The following TPCN1 variants were observed in gnomAD, a reference collection of about 807,000 sequenced individuals.
TPCN1 encodes the protein two pore segment channel 1.
A neutral mutation model predicts 108.8 loss-of-function variants in TPCN1; 52 were observed. That is an observed-to-expected ratio of 0.48 (90% CI 0.38 to 0.60). The LOEUF is 0.60. Ranked by LOEUF, TPCN1 falls within the 20% of genes least tolerant of loss-of-function variation. TPCN1 has a pLI of 0.00. For synonymous variants in TPCN1, 446 were observed against 433.7 expected, an observed-to-expected ratio of 1.03 and a Z score of -0.35; for missense variants, 806 against 1,072.8, an observed-to-expected ratio of 0.75 and a Z score of 3.47.
At chr12:113,277,486 A>C in intron 12 of TPCN1, 122 bp downstream of exon 12, 1 of 1,201,476 alleles carries the variant, frequency 8.3e-7, no homozygotes, top group Non-Finnish European at 1.2e-6. Context: ...GACTTCCTCC[A>C]CAGATGTTTA....
At chr12:113,227,157 T>C (rs2136431069) in intron 2 of TPCN1, among the ~76,000 whole-genome samples, 193 bp downstream of exon 2, 1 of 152,286 alleles carries the variant, frequency 6.6e-6, no homozygotes, top group East Asian at 1.9e-4. Context: ...AGCTTGGCAG[T>C]GTTTCTGGGG....
chr12:113,247,318 A>C (rs1379842700), intron 2 of TPCN1, among the ~76,000 whole-genome samples: 2 of 151,880 alleles, frequency 1.3e-5, no homozygotes, highest in African/African-American at 4.8e-5. Flanking sequence ...TCACACCCTG[A>C]CTCACCAGGC....
At chr12:113,270,859 A>G (rs1027946494) in intron 7 of TPCN1, among the ~76,000 whole-genome samples, 24 of 151,972 alleles carry the variant, frequency 1.6e-4, no homozygotes, top group Non-Finnish European at 3.5e-4. Context: ...CACAGCCGCC[A>G]CCTCCTAACA....
chr12:113,243,893 A>C (rs1954245593), intron 2 of TPCN1, among the ~76,000 whole-genome samples: 1 of 152,170 alleles, frequency 6.6e-6, no homozygotes, highest in Non-Finnish European at 1.5e-5. Flanking sequence ...GGCTGCAGTC[A>C]CTGCCCCCGA....
chr12:113,290,122 G>T lies in TPCN1; in HGVS notation c.1797-6G>T. On this transcript the variant is annotated splice_region_variant and splice_polypyrimidine_tract_variant and intron_variant, in intron 21 of 27. Transcript: ENST00000335509. ...CTCCCTCCTTTCTCCCTTGTGCTCC[G>T]GCCAGCACGAGTACAGTGGCAGATG... is the stretch of plus-strand genomic sequence containing the variant. 1.3e-6 allele frequency: 2 copies of T among 1,570,804 alleles called. No individual in the cohort carries two copies. Among genetic ancestry groups the T allele is most frequent in the Non-Finnish European group, 1.7e-6 (2 of 1,154,690 alleles).
rs1271426792 is a variant in TPCN1 at position 113,288,114 on chromosome 12, C to A, written c.1635-49C>A. On this transcript the variant is annotated intron_variant, in intron 19 of 27. Coordinates refer to ENST00000335509, the MANE Select transcript of TPCN1 (RefSeq NM_017901.6). This position sits in a 1 kb window ranked among gnomAD's most constrained non-coding sequence, Gnocchi z 4.8. ...GGCCGGCATGTTCTGAGGGCGGGGGCTGAGGCGTGCACCTGTGTGTGGAGG... is the reference window on the plus strand; with the variant it reads ...GGCCGGCATGTTCTGAGGGCGGGGGATGAGGCGTGCACCTGTGTGTGGAGG... The A allele has an allele frequency of 1.9e-6, 3 of 1,554,586 alleles. No homozygotes were observed. Among genetic ancestry groups the A allele is most frequent in the Non-Finnish European group, 2.6e-6 (3 of 1,135,756 alleles).
chr12:113,233,423 G>T (rs1467214776), intron 2 of TPCN1, among the ~76,000 whole-genome samples: 1 of 152,252 alleles, frequency 6.6e-6, no homozygotes, highest in Non-Finnish European at 1.5e-5. Flanking sequence ...GTGCCGCTGG[G>T]GGCATCAGGT....
chr12:113,243,675 A>G (rs531884058), intron 2 of TPCN1, among the ~76,000 whole-genome samples: 57 of 152,288 alleles, frequency 3.7e-4, no homozygotes, highest in African/African-American at 1.3e-3. Context: ...AATCACTTGA[A>G]CTTGAGAGGT....
At position 113,280,201 on chromosome 12, in the gene TPCN1, T is replaced by C; in HGVS notation, c.1342+6T>C. ...GGCCTTCCAGTATTTCATGTGTAAGTGTGAAATATCTCCACTCTAGGCCAC... is the reference window on the plus strand; with the variant it reads ...GGCCTTCCAGTATTTCATGTGTAAGCGTGAAATATCTCCACTCTAGGCCAC... On this transcript the variant is annotated splice_donor_region_variant and intron_variant, in intron 15 of 27. Transcript: ENST00000335509. 3 of 1,607,512 alleles carry C rather than the reference T, an allele frequency of 1.9e-6. No individual in the cohort carries two copies. Among genetic ancestry groups the C allele is most frequent in the Non-Finnish European group, 2.6e-6 (3 of 1,174,408 alleles).
intron 12 of TPCN1, among the ~76,000 whole-genome samples, chr12:113,277,748 G>A (rs1285579669): frequency 6.6e-6 from 1 of 152,158 alleles, no homozygotes; most frequent in Non-Finnish European, 1.5e-5. Flanking sequence ...GAGATCTCCA[G>A]GGGTAGGATT....
intron 2 of TPCN1, among the ~76,000 whole-genome samples, chr12:113,241,715 G>A (rs971057001): frequency 2.6e-5 from 4 of 151,868 alleles, no homozygotes; most frequent in African/African-American, 9.7e-5. Context: ...GTTCGCACAG[G>A]TGCTGTACTC....
chr12:113,267,886 T>C lies in TPCN1; in HGVS notation c.458T>C (p.Phe153Ser), dbSNP rs764021192. 1 of 1,614,114 alleles carries C rather than the reference T, an allele frequency of 6.2e-7. No homozygotes were observed. Among genetic ancestry groups the C allele is most frequent in the Non-Finnish European group, 8.5e-7 (1 of 1,180,010 alleles). ...CTGTTTGCCCTGATGGTGGTAGTGT[T>C]TGAACTCTGCATGAAGTTACGCTGG... Reference protein sequence around the residue: ...LELFALMVVVFELCMKLRWLG... With the variant: ...LELFALMVVVSELCMKLRWLG... Residue 153 changes from phenylalanine to serine, a missense_variant, in exon 5 of 28, where the codon TTT becomes TCT. Transcript: ENST00000335509.
At chr12:113,271,363 A>C (rs999297858) in intron 7 of TPCN1, among the ~76,000 whole-genome samples, 1 of 152,334 alleles carries the variant, frequency 6.6e-6, no homozygotes, top group East Asian at 1.9e-4. Context: ...AATGGAAGGC[A>C]TGTTTGTGAC....
chr12:113,283,617 T>C (rs73192834), intron 15 of TPCN1, among the ~76,000 whole-genome samples: 17,492 of 151,624 alleles, frequency 0.12, 1,212 homozygotes, highest in East Asian at 0.21. Context: ...GCCTGGGTAA[T>C]AATAAAACCC....
At chr12:113,259,361 A>G (rs1954940245) in intron 2 of TPCN1, among the ~76,000 whole-genome samples, 1 of 152,134 alleles carries the variant, frequency 6.6e-6, no homozygotes, top group Non-Finnish European at 1.5e-5. Context: ...CTTCTTCCCA[A>G]TGAATGCGTC....
At chr12:113,279,392 T>TATATA (rs1382784794) in intron 14 of TPCN1, among the ~76,000 whole-genome samples, 1 of 21,438 alleles carries the variant, frequency 4.7e-5, no homozygotes, top group Non-Finnish European at 8.5e-5. Context: ...TATATATATA[T>TATATA]TTTTTTTTTT....
At chr12:113,235,380 A>G (rs753346761) in intron 2 of TPCN1, among the ~76,000 whole-genome samples, 1 of 152,084 alleles carries the variant, frequency 6.6e-6, no homozygotes, top group Non-Finnish European at 1.5e-5. Context: ...GCAACTTTAG[A>G]CCGCTACTGT....
Position 113,291,969 on chromosome 12 carries a change from G to C in TPCN1, c.2113+11G>C, listed in dbSNP as rs1156640243. On this transcript the variant is annotated intron_variant, in intron 25 of 27. Coordinates refer to ENST00000335509, the MANE Select transcript of TPCN1 (RefSeq NM_017901.6). ...ACCAGGACTCGGAAGGTCTGTGCAG[G>C]GATGATGCCTTGGGCATTTGATATC... The C allele has an allele frequency of 4.3e-6, 7 of 1,613,110 alleles. No homozygotes were observed. The highest frequency in any genetic ancestry group is 5.1e-6 in the Non-Finnish European group (6 of 1,179,080).
intron 3 of TPCN1, among the ~76,000 whole-genome samples, chr12:113,265,797 CCCTCCCCTCTT>C (rs1955237796): frequency 6.6e-6 from 1 of 152,030 alleles, no homozygotes; most frequent in Non-Finnish European, 1.5e-5. Flanking sequence ...CGCACCCAGC[CCCTCCCCTCTT>C]TTTTAAGAGA....
Sources: allele counts gnomAD v4.1 joint callset (sites outside exome capture counted in the v4.1 genomes callset), GRCh38; gene constraint gnomAD v4.1.1; non-coding constraint Gnocchi (gnomAD v3.1); transcripts MANE v1.5; gene names NCBI Gene and HGNC (gene_info 2026-07-23, HGNC 2026-07-21).